TEX10: variants seen among roughly 807,000 people sequenced by gnomAD.
The protein encoded by TEX10 is testis-expressed protein 10.
TEX10 carries 24 observed loss-of-function variants against 104.4 expected under a neutral mutation model. The ratio of observed to expected loss-of-function variants is 0.23; its 90% CI spans 0.17 to 0.32. The LOEUF is 0.32. Among genes scored for constraint, TEX10 ranks in the 10% least tolerant of loss-of-function variants. The pLI, the probability that TEX10 is intolerant of heterozygous loss-of-function variation, is 1.00. For synonymous variants in TEX10, 396 were observed against 393.4 expected (o/e 1.01, Z -0.08); for missense variants, 921 against 1,083.9 (o/e 0.85, Z 2.11).
At chr9:100,316,885 TATA>T (rs1251226054) in intron 11 of TEX10, among the ~76,000 whole-genome samples, 2 of 90,876 alleles carry the variant, frequency 2.2e-5, no homozygotes, top group African/African-American at 1.0e-4. Flanking sequence ...CAATCCCACT[TATA>T]ATAGCTAAAA....
At chr9:100,328,153 A>G (rs1191129044) in intron 7 of TEX10, among the ~76,000 whole-genome samples, 191 bp from the exon 8 acceptor site, 1 of 152,220 alleles carries the variant, frequency 6.6e-6, no homozygotes, top group Non-Finnish European at 1.5e-5. Flanking sequence ...GGCTTTACCC[A>G]CTAAATTAAT....
intron 3 of TEX10, 26 bp downstream of exon 3, chr9:100,346,668 G>A (rs982323906): frequency 2.5e-5 from 39 of 1,575,916 alleles, no homozygotes; most frequent in Admixed American, 5.4e-5. Flanking sequence ...GCAAAACTGT[G>A]TGGACATAAC....
intron 13 of TEX10, chr9:100,304,164 C>A: frequency 5.6e-6 from 2 of 356,518 alleles, no homozygotes; most frequent in Non-Finnish European, 5.3e-6. Context: ...GTTAAAATGG[C>A]CACACTGCTC....
At position 100,308,698 on chromosome 9, in the gene TEX10, G is replaced by A. The variant is rs183836554; in HGVS notation, c.2284-17C>T. ...CAACCCAACCTAAGCAGAGAAAAACGAGATTAATCACCTCTTCATAACAGA... is the reference window on the plus strand; with the variant it reads ...CAACCCAACCTAAGCAGAGAAAAACAAGATTAATCACCTCTTCATAACAGA... On this transcript the variant is annotated splice_polypyrimidine_tract_variant and intron_variant, in intron 12 of 14. Coordinates refer to ENST00000374902, the MANE Select transcript of TEX10 (RefSeq NM_017746.4). 4.7e-5 allele frequency: 74 copies of A among 1,567,570 alleles called. No homozygotes were observed. Among genetic ancestry groups the A allele is most frequent in the East Asian group, 3.9e-4 (17 of 43,906 alleles).
chr9:100,339,390 C>A (rs1387338113), intron 5 of TEX10, among the ~76,000 whole-genome samples: 3 of 131,954 alleles, frequency 2.3e-5, no homozygotes, highest in African/African-American at 8.7e-5. Flanking sequence ...ATTTATAAAA[C>A]TGCTTAGGAG....
intron 6 of TEX10, 145 bp downstream of exon 6, chr9:100,329,786 A>G: frequency 4.1e-6 from 3 of 725,012 alleles, no homozygotes; most frequent in South Asian, 3.8e-5. Context: ...TTCAGTGTTC[A>G]AGTAGACAGT....
Position 100,303,679 on chromosome 9 carries a change from T to TA in TEX10, c.2628dup (p.Met877TyrfsTer58). 1 of 1,614,048 alleles carries TA rather than the reference T, an allele frequency of 6.2e-7. No homozygotes were observed. Among genetic ancestry groups the TA allele is most frequent in the East Asian group, 2.2e-5 (1 of 44,870 alleles). ...TGCACCAAGATCGCATTGGTCAACA[T>TA]ATGAGTCCTGAGGGGTGCATGCTGA... On this transcript the variant is annotated frameshift_variant, in exon 14 of 15. Coordinates refer to ENST00000374902, the MANE Select transcript of TEX10 (RefSeq NM_017746.4). LOFTEE classifies it high-confidence loss of function.
At chr9:100,336,610 T>C (rs139229014) in intron 5 of TEX10, among the ~76,000 whole-genome samples, 27 of 152,306 alleles carry the variant, frequency 1.8e-4, no homozygotes, top group African/African-American at 6.5e-4. Flanking sequence ...TGGTAAACTG[T>C]AAAACTGTTT....
At chr9:100,332,702 T>C (rs1834897941) in intron 5 of TEX10, among the ~76,000 whole-genome samples, 1 of 151,776 alleles carries the variant, frequency 6.6e-6, no homozygotes, top group South Asian at 2.1e-4. Flanking sequence ...GCACCTGTAG[T>C]CCCAGCTACT....
chr9:100,352,338 G>A, intron 1 of TEX10: 1 of 1,549,816 alleles, frequency 6.5e-7, no homozygotes, highest in South Asian at 1.2e-5. Context: ...TCCCGCCTGG[G>A]CGACCAGAGG....
At chr9:100,348,816 T>C (rs534566481) in intron 2 of TEX10, among the ~76,000 whole-genome samples, 2 of 152,100 alleles carry the variant, frequency 1.3e-5, no homozygotes, top group African/African-American at 4.8e-5. Context: ...GAGGCTGAAG[T>C]AGGAGGATCA....
intron 1 of TEX10, chr9:100,352,360 G>A (rs112484432): frequency 6.4e-7 from 1 of 1,551,420 alleles, no homozygotes; most frequent in Non-Finnish European, 8.7e-7. Context: ...CGGAACAGGG[G>A]ACGCCAGCTC....
At chr9:100,315,963 G>C (rs1477325477) in intron 11 of TEX10, among the ~76,000 whole-genome samples, 2 of 152,234 alleles carry the variant, frequency 1.3e-5, no homozygotes, top group Non-Finnish European at 2.9e-5. Flanking sequence ...GGCTTGGAAA[G>C]TTTTCATCAA....
intron 7 of TEX10, among the ~76,000 whole-genome samples, chr9:100,328,324 T>C (rs1274062594): frequency 1.3e-5 from 2 of 152,234 alleles, no homozygotes; most frequent in Non-Finnish European, 2.9e-5. Flanking sequence ...TTTTTATTTC[T>C]TTAGAATACT....
At chr9:100,328,745 C>A (rs1834771906) in intron 7 of TEX10, among the ~76,000 whole-genome samples, 1 of 152,186 alleles carries the variant, frequency 6.6e-6, no homozygotes, top group Non-Finnish European at 1.5e-5. Flanking sequence ...TCTGATAGCA[C>A]TAAACTAAGC....
chr9:100,325,857 A>C (rs1834693724), intron 9 of TEX10, among the ~76,000 whole-genome samples: 2 of 152,150 alleles, frequency 1.3e-5, no homozygotes, highest in Admixed American at 1.3e-4. Flanking sequence ...TAAAATGGTA[A>C]ATTTTATGTT....
At chr9:100,339,771 TTAC>T (rs1835125190) in intron 5 of TEX10, among the ~76,000 whole-genome samples, 1 of 152,056 alleles carries the variant, frequency 6.6e-6, no homozygotes, top group South Asian at 2.1e-4. Context: ...ATTTCTAGGC[TTAC>T]TTTTTTTTTT....
intron 9 of TEX10, among the ~76,000 whole-genome samples, chr9:100,322,578 ATT>A (rs940360504): frequency 1.3e-5 from 2 of 151,994 alleles, no homozygotes; most frequent in Admixed American, 1.3e-4. Flanking sequence ...GTACTTAGTA[ATT>A]TTTTTACTGT....
intron 1 of TEX10, chr9:100,352,451 T>A: frequency 6.4e-7 from 1 of 1,551,662 alleles, no homozygotes; most frequent in Non-Finnish European, 8.7e-7. Context: ...TTCCTCCTAC[T>A]CCAAGGGACG....
Sources: gnomAD v4.1 joint callset for allele counts (sites outside exome capture counted in the v4.1 genomes callset) on GRCh38, gnomAD v4.1.1 for gene constraint, MANE v1.5 for transcripts, NCBI Gene and HGNC (gene_info 2026-07-23, HGNC 2026-07-21) for gene names.